The following ZFTA variants were observed in gnomAD, a reference collection of about 807,000 sequenced individuals.
The protein encoded by ZFTA is zinc finger translocation associated.
A neutral mutation model predicts 41.8 loss-of-function variants in ZFTA; 35 were observed. That is an observed-to-expected ratio of 0.84 (90% CI 0.64 to 1.11). The LOEUF (loss-of-function observed/expected upper bound fraction) is 1.11. ZFTA is among the 50% of genes most tolerant of loss of function. The pLI is 0.00. For synonymous variants in ZFTA, 514 were observed against 436.4 expected, an observed-to-expected ratio of 1.18 and a Z score of -2.22; for missense variants, 964 against 989.8, an observed-to-expected ratio of 0.97 and a Z score of 0.35.
At chr11:63,766,942 A>C (rs1211584546) in intron 1 of ZFTA, among the ~76,000 whole-genome samples, 2 of 152,244 alleles carry the variant, frequency 1.3e-5, no homozygotes, top group African/African-American at 4.8e-5. Context: ...TCTGAGACTG[A>C]AACTTCTCCA....
chr11:63,764,192 G>T lies in ZFTA; in HGVS notation c.1431C>A (p.Ala477=). The part of the protein sequence containing the change: ...RLGGPVQALI[A]REWSEKAAHL... ...GGGCGGCCTTCTCGCTCCACTCCCG[G>T]GCGATGAGGGCCTGGACAGGCCCGC... Residue 477 remains alanine, a synonymous_variant, in exon 4 of 5, where the codon GCC becomes GCA. Coordinates refer to ENST00000433688, the MANE Select transcript of ZFTA (RefSeq NM_001144936.2). 7.2e-7 allele frequency: 1 copy of T among 1,392,964 alleles called. No homozygotes were observed. The highest frequency in any genetic ancestry group is 3.0e-5 in the East Asian group (1 of 33,390). 86.3% of individuals were successfully genotyped at this position (1,392,964 alleles called of 1,614,324 possible). A position where few individuals can be genotyped will look rare whatever the true frequency, so the allele number is the denominator to read the frequency against.
In ZFTA at chr11:63,763,108, C is replaced by A. The variant is rs1487707314; in HGVS notation, c.*310G>T. ...GGGGTGCGGCCGGGAGCGCTCGGCGCTAACACGTGGAGGCCACTGAGGATT... is the reference window on the plus strand; with the variant it reads ...GGGGTGCGGCCGGGAGCGCTCGGCGATAACACGTGGAGGCCACTGAGGATT... On this transcript the variant is annotated 3_prime_UTR_variant, in exon 5 of 5. Coordinates refer to ENST00000433688, the MANE Select transcript of ZFTA (RefSeq NM_001144936.2). 2 of 164,728 alleles carry A rather than the reference C, an allele frequency of 1.2e-5. No individual in the cohort carries two copies. The highest frequency in any genetic ancestry group is 6.4e-5 in the Admixed American group (1 of 15,610). The allele number at this position is 164,728 out of a possible 1,614,324, so 10.2% of individuals were successfully genotyped here. A position where few individuals can be genotyped will look rare whatever the true frequency, so the allele number is the denominator to read the frequency against.
intron 4 of ZFTA, 75 bp from the exon 5 acceptor site, chr11:63,763,944 C>T (rs998199128): frequency 5.9e-6 from 8 of 1,362,108 alleles, no homozygotes; most frequent in Middle Eastern, 5.2e-4. Flanking sequence ...TCTCCAGTCA[C>T]CCCATCTTTG....
chr11:63,764,958 G>C lies in ZFTA; in HGVS notation c.934C>G (p.Leu312Val). 2 of 1,548,396 alleles carry C rather than the reference G, an allele frequency of 1.3e-6. No individual in the cohort carries two copies. The highest frequency in any genetic ancestry group is 1.7e-6 in the Non-Finnish European group (2 of 1,146,546). ...AHVLEVHPGS[L>V]GLSGPQRSAL... ...CTGCGCTGGGGGCCGCTGAGCCCCA[G>C]GGAGCCAGGGTGCACCTCCAGCACG... Residue 312 changes from leucine to valine, a missense_variant, in exon 3 of 5, where the codon CTG (leucine) becomes GTG (valine). Physicochemically the swap from Leu to Val is conservative, Grantham distance 32. Around this residue, in one of 5 missense-constraint regions of ZFTA, gnomAD observed 584 missense variants for 523.1 expected, o/e 1.12. Coordinates refer to ENST00000433688, the MANE Select transcript of ZFTA (RefSeq NM_001144936.2).
Position 63,764,066 on chromosome 11 carries a change from C to T in ZFTA, c.1557G>A (p.Glu519=). ...ACTCCTCCTCCTCCTCCTCTGGCTC[C>T]TCCTCCTCGTCCCCTCCCCCCTCGT... ...ASDEGGGDEE[E]EPEEEEEEWG... The change falls in exon 4 of 5, where the codon GAG becomes GAA. Residue 519 remains glutamate, a synonymous_variant. Transcript: ENST00000433688. The T allele has an allele frequency of 7.4e-7, 1 of 1,348,448 alleles. No individual in the cohort carries two copies. The highest frequency in any genetic ancestry group is 9.5e-7 in the Non-Finnish European group (1 of 1,054,678). The allele number at this position is 1,348,448 out of a possible 1,614,324, so 83.5% of individuals were successfully genotyped here.
chr11:63,768,507 G>A lies in ZFTA; in HGVS notation c.116C>T (p.Ala39Val). The change falls in exon 1 of 5, where the codon GCG becomes GTG. Residue 39 changes from alanine to valine, a missense_variant. This residue lies in a region of ZFTA where 111 missense variants were observed against 93.2 expected (regional missense o/e 1.19). Transcript: ENST00000433688. ...RLPPAGSSGSAEPEEDEGGQD... is the reference protein window; with the variant it reads ...RLPPAGSSGSVEPEEDEGGQD... The stretch of plus-strand genomic sequence containing the variant: ...ACCGCCTTCGTCTTCCTCTGGCTCC[G>A]CGCTGCCGCTCGATCCGGCGGGCGG... 2 of 1,207,668 alleles carry A rather than the reference G, an allele frequency of 1.7e-6. No individual in the cohort carries two copies. The highest frequency in any genetic ancestry group is 2.1e-6 in the Non-Finnish European group (2 of 958,508). 74.8% of individuals were successfully genotyped at this position (1,207,668 alleles called of 1,614,324 possible). A position where few individuals can be genotyped will look rare whatever the true frequency, so the allele number is the denominator to read the frequency against.
Position 63,764,199 on chromosome 11 carries a change from A to G in ZFTA, c.1424T>C (p.Leu475Pro). The stretch of plus-strand genomic sequence containing the variant: ...CTTCTCGCTCCACTCCCGGGCGATG[A>G]GGGCCTGGACAGGCCCGCCGAGGCG... ...STRLGGPVQA[L>P]IAREWSEKAA... is the part of the protein sequence containing the mutation. The change falls in exon 4 of 5, where the codon CTC becomes CCC. Residue 475 changes from leucine (L) to proline (P), a missense_variant. Leu to Pro is a moderately conservative substitution (Grantham distance 98). This residue lies in a region of ZFTA where 584 missense variants were observed against 523.1 expected (regional missense o/e 1.12). Transcript: ENST00000433688. The G allele has an allele frequency of 7.2e-7, 1 of 1,395,598 alleles. No homozygotes were observed. Among genetic ancestry groups the G allele is most frequent in the Non-Finnish European group, 9.2e-7 (1 of 1,085,074 alleles). 86.5% of individuals were successfully genotyped at this position (1,395,598 alleles called of 1,614,324 possible). A position where few individuals can be genotyped will look rare whatever the true frequency, so the allele number is the denominator to read the frequency against.
Position 63,762,519 on chromosome 11 carries a change from A to G in ZFTA, c.*899T>C, listed in dbSNP as rs1328042301. ...CGGGTTGAGAACGGACGCCGCATCC[A>G]CCGCGGACAAAGGGGGATGGGGATG... On this transcript the variant is annotated 3_prime_UTR_variant, in exon 5 of 5. Coordinates refer to ENST00000433688, the MANE Select transcript of ZFTA (RefSeq NM_001144936.2). 6.6e-6 allele frequency: 1 copy of G among 152,006 alleles called. No individual in the cohort carries two copies. Among genetic ancestry groups the G allele is most frequent in the Non-Finnish European group, 1.5e-5 (1 of 67,986 alleles). 9.4% of individuals were successfully genotyped at this position (152,006 alleles called of 1,614,324 possible).
At position 63,765,298 on chromosome 11, in the gene ZFTA, G is replaced by A; in HGVS notation, c.638-44C>T. The A allele has an allele frequency of 1.4e-6, 2 of 1,420,508 alleles. No homozygotes were observed. The highest frequency in any genetic ancestry group is 9.1e-7 in the Non-Finnish European group (1 of 1,094,534). The allele number at this position is 1,420,508 out of a possible 1,614,324, so 88.0% of individuals were successfully genotyped here. ...AGGAACTGAGACGCTGGCCCCACGGGAGCATACCCACTACAGCCAGGTCTC... is the reference window on the plus strand; with the variant it reads ...AGGAACTGAGACGCTGGCCCCACGGAAGCATACCCACTACAGCCAGGTCTC... On this transcript the variant is annotated intron_variant, in intron 2 of 4. Transcript: ENST00000433688. The surrounding 1 kb of genome is among the most constrained non-coding windows in gnomAD (Gnocchi z 4.0).
intron 3 of ZFTA, 86 bp downstream of exon 3, chr11:63,764,782 C>T: frequency 7.0e-7 from 1 of 1,421,284 alleles, no homozygotes; most frequent in Non-Finnish European, 9.2e-7. Flanking sequence ...GCCCTCAGCC[C>T]TAAGTCCCTG....
At chr11:63,768,318 G>T (rs1049508631) in intron 1 of ZFTA, among the ~76,000 whole-genome samples, 166 bp downstream of exon 1, 1 of 149,566 alleles carries the variant, frequency 6.7e-6, no homozygotes, top group Non-Finnish European at 1.5e-5. Flanking sequence ...TGGGCGGGGG[G>T]CTCCCCCGCC....
rs959562251 is a variant in ZFTA, at chr11:63,764,145, G to A, written c.1478C>T (p.Pro493Leu). ...GGGGCCCTGGGGGGACTCGGGGCGG[G>A]GCGGCCCCAGGGCCAGCAGGTGGGC... is the stretch of plus-strand genomic sequence containing the variant. ...KAAHLLALGP[P>L]RPESPQGPIP... Residue 493 changes from proline to leucine, a missense_variant, in exon 4 of 5, where the codon CCC becomes CTC. By Grantham distance (98) the Pro-to-Leu change is moderately conservative. Transcript: ENST00000433688. 3.0e-6 allele frequency: 4 copies of A among 1,353,010 alleles called. No homozygotes were observed. Among genetic ancestry groups the A allele is most frequent in the South Asian group, 3.7e-5 (2 of 54,732 alleles). The allele number at this position is 1,353,010 out of a possible 1,614,324, so 83.8% of individuals were successfully genotyped here.
At position 63,768,702 on chromosome 11, in the gene ZFTA, C is replaced by CT; in HGVS notation, c.-81dup. 1.5e-6 allele frequency: 1 copy of CT among 652,594 alleles called. No individual in the cohort carries two copies. Among genetic ancestry groups the CT allele is most frequent in the Non-Finnish European group, 1.9e-6 (1 of 529,870 alleles). The allele number at this position is 652,594 out of a possible 1,614,324, so 40.4% of individuals were successfully genotyped here. A position where few individuals can be genotyped will look rare whatever the true frequency, so the allele number is the denominator to read the frequency against. On this transcript the variant is annotated 5_prime_UTR_variant, in exon 1 of 5. Transcript: ENST00000433688. ...GGCGGCAGCCCGCGCGGAGCGCTCG[C>CT]TGCGCGGGGCCCCGGGGCGCGGGGC...
Position 63,764,893 on chromosome 11 carries a change from C to G in ZFTA, c.999G>C (p.Leu333=). Residue 333 remains leucine (L), a synonymous_variant, in exon 3 of 5, where the codon CTG becomes CTC. Transcript: ENST00000433688. ...CTGGTGGGGACTGGGTGAGCTCAGA[C>G]AGCGCCTCGGGCTGGCCCCCCCAGG... ...LQAWGGQPEA[L]SELTQSPPGD... The G allele has an allele frequency of 6.6e-7, 1 of 1,519,536 alleles. No individual in the cohort carries two copies. The highest frequency in any genetic ancestry group is 8.8e-7 in the Non-Finnish European group (1 of 1,135,390). The allele number at this position is 1,519,536 out of a possible 1,614,324, so 94.1% of individuals were successfully genotyped here.
chr11:63,764,662 G>C, intron 3 of ZFTA, 64 bp from the exon 4 acceptor site: 4 of 1,282,010 alleles, frequency 3.1e-6, no homozygotes, highest in Non-Finnish European at 3.9e-6. Flanking sequence ...TGCCCACTCA[G>C]AGGGGTCCAT....
In ZFTA at chr11:63,762,242, T is replaced by C. The variant is rs1355604167; in HGVS notation, c.*1176A>G. 2 of 152,080 alleles carry C rather than the reference T, an allele frequency of 1.3e-5. No homozygotes were observed. Among genetic ancestry groups the C allele is most frequent in the Non-Finnish European group, 2.9e-5 (2 of 68,012 alleles). 9.4% of individuals were successfully genotyped at this position (152,080 alleles called of 1,614,324 possible). A position where few individuals can be genotyped will look rare whatever the true frequency, so the allele number is the denominator to read the frequency against. On this transcript the variant is annotated 3_prime_UTR_variant, in exon 5 of 5. Transcript: ENST00000433688. ...GATACACGCATAATAAATAAGACAT[T>C]TGCACATAAGGGTGACTGGGTCAGC... is the stretch of plus-strand genomic sequence containing the variant.
chr11:63,768,718 G>C lies in ZFTA; in HGVS notation c.-96C>G. ...GAGCGCTCGCTGCGCGGGGCCCCGG[G>C]GCGCGGGGCGCATGCACGGGGCGGC... On this transcript the variant is annotated 5_prime_UTR_variant, in exon 1 of 5. Coordinates refer to ENST00000433688, the MANE Select transcript of ZFTA (RefSeq NM_001144936.2). The C allele has an allele frequency of 1.2e-5, 6 of 492,716 alleles. No homozygotes were observed. Among genetic ancestry groups the C allele is most frequent in the Non-Finnish European group, 1.6e-5 (6 of 383,064 alleles). 30.5% of individuals were successfully genotyped at this position (492,716 alleles called of 1,614,324 possible).
In ZFTA at chr11:63,765,884, G is replaced by GCCCCCTGGA. The variant is rs1287630838; in HGVS notation, c.551_559dup (p.Val184_Gly186dup). ...TTCTTCCTCCTCCTCCTCCTCCTCAGCCCCCTGGACCCCCAGGCCCTCGGC... is the reference window on the plus strand; with the variant it reads ...TTCTTCCTCCTCCTCCTCCTCCTCAGCCCCCTGGACCCCCTGGACCCCCAGGCCCTCGGC... On this transcript the variant is annotated inframe_insertion, in exon 2 of 5. Transcript: ENST00000433688. This position sits in a 1 kb window ranked among gnomAD's most constrained non-coding sequence, Gnocchi z 4.0. 6.5e-7 allele frequency: 1 copy of GCCCCCTGGA among 1,535,280 alleles called. No individual in the cohort carries two copies. Among genetic ancestry groups the GCCCCCTGGA allele is most frequent in the East Asian group, 2.5e-5 (1 of 40,526 alleles).
In ZFTA at chr11:63,763,456, C is replaced by G; in HGVS notation, c.1999G>C (p.Gly667Arg). 3.5e-6 allele frequency: 5 copies of G among 1,444,914 alleles called. No homozygotes were observed. The South Asian group carries it at 4.1e-5, about 12-fold the overall frequency. The allele number at this position is 1,444,914 out of a possible 1,614,324, so 89.5% of individuals were successfully genotyped here. The change falls in exon 5 of 5, where the codon GGC becomes CGC. Residue 667 changes from glycine to arginine, a missense_variant. Coordinates refer to ENST00000433688, the MANE Select transcript of ZFTA (RefSeq NM_001144936.2). ...ACAGCGCCAGACTTGAGGTCCGCGC[C>G]GCCGTCACGCGGCGCCGGGGCGGGC... The part of the protein sequence containing the change: ...GPPAPAPRDG[G>R]ADLKSGAVCR...
Sources: gnomAD v4.1 joint callset for allele counts (sites outside exome capture counted in the v4.1 genomes callset) on GRCh38, gnomAD v4.1.1 for gene constraint, gnomAD v4.1.1 regional missense constraint, Gnocchi (gnomAD v3.1) non-coding constraint, MANE v1.5 for transcripts, NCBI Gene and HGNC (gene_info 2026-07-23, HGNC 2026-07-21) for gene names.